The following MAF variants were observed in gnomAD, a reference collection of about 807,000 sequenced individuals.
MAF encodes the protein transcription factor Maf.
Under a neutral mutation model 22.0 loss-of-function variants are expected in MAF, and 10 were observed. That is an observed-to-expected ratio of 0.45 (90% confidence interval 0.28 to 0.77). The LOEUF (loss-of-function observed/expected upper bound fraction) is 0.77. Ranked by LOEUF, MAF falls within the 30% of genes least tolerant of loss-of-function variation. MAF has a pLI of 0.12. For synonymous variants in MAF, 337 were observed against 255.8 expected, an observed-to-expected ratio of 1.32 and a Z score of -3.03; for missense variants, 544 against 548.4, an observed-to-expected ratio of 0.99 and a Z score of 0.08.
At chr16:79,432,615 A>C in the MAF span, among the ~76,000 whole-genome samples, 3 of 152,334 alleles carry the variant, frequency 2.0e-5, no homozygotes, top group East Asian at 3.9e-4. Context: ...ATTGTATTTC[A>C]GAATGTGACC....
the MAF span, among the ~76,000 whole-genome samples, chr16:79,481,849 G>A: frequency 6.6e-6 from 1 of 152,320 alleles, no homozygotes; most frequent in South Asian, 2.1e-4. Context: ...CTCCATCTGG[G>A]TAGGGGAGAC....
the MAF span, among the ~76,000 whole-genome samples, chr16:79,219,539 A>C: frequency 8.6e-6 from 1 of 116,176 alleles, no homozygotes; most frequent in Non-Finnish European, 1.7e-5. Flanking sequence ...CGACAGCGAG[A>C]CTCTGCCTCA....
rs778650605 is a variant in MAF, at chr16:79,598,860, T to C, written c.1043A>G (p.Tyr348Cys). 10 of 1,613,760 alleles carry C rather than the reference T, an allele frequency of 6.2e-6. No individual in the cohort carries two copies. The highest frequency in any genetic ancestry group is 8.5e-6 in the Non-Finnish European group (10 of 1,179,988). Residue 348 changes from tyrosine (Y) to cysteine (C), a missense_variant, in exon 1 of 2, where the codon TAC (tyrosine) becomes TGC (cysteine). By Grantham distance (194) the Tyr-to-Cys change is radical (BLOSUM62 -2). Coordinates refer to ENST00000326043, the MANE Select transcript of MAF (RefSeq NM_005360.5). The stretch of plus-strand genomic sequence containing the variant: ...GAAGCCGCTGCTCACCAACTTCTCG[T>C]ATTTCTCCTTGTACGCGTCCCTCTC... ...VRERDAYKEK[Y>C]EKLVSSGFRE...
At chr16:79,412,819 T>A in the MAF span, among the ~76,000 whole-genome samples, 1 of 152,156 alleles carries the variant, frequency 6.6e-6, no homozygotes, top group East Asian at 1.9e-4. Context: ...ACCCAGAGCG[T>A]TCTGGGAGGC....
chr16:79,441,796 C>G, the MAF span, among the ~76,000 whole-genome samples: 2 of 152,092 alleles, frequency 1.3e-5, no homozygotes, highest in African/African-American at 4.8e-5. Context: ...ACTAGGAACC[C>G]CAGTATGTGG....
chr16:79,515,146 G>A, the MAF span, among the ~76,000 whole-genome samples: 1 of 152,186 alleles, frequency 6.6e-6, no homozygotes, highest in Admixed American at 6.5e-5. Context: ...GCCTGACACA[G>A]ACTTCACTGT....
the MAF span, among the ~76,000 whole-genome samples, chr16:79,516,743 C>G: frequency 7.2e-5 from 11 of 152,230 alleles, no homozygotes; most frequent in African/African-American, 2.7e-4. Context: ...AAGATCTTCT[C>G]CACTATCTGG....
At chr16:79,510,473 C>G in the MAF span, among the ~76,000 whole-genome samples, 2 of 152,156 alleles carry the variant, frequency 1.3e-5, no homozygotes, top group Admixed American at 6.5e-5. Flanking sequence ...TCGAGATGTT[C>G]TGGGATGGAG....
At chr16:79,418,769 T>C in the MAF span, among the ~76,000 whole-genome samples, 12 of 152,144 alleles carry the variant, frequency 7.9e-5, no homozygotes, top group African/African-American at 2.9e-4. Flanking sequence ...AGATGATATA[T>C]GATAAGCAAT....
At chr16:79,464,420 C>G in the MAF span, among the ~76,000 whole-genome samples, 45 of 152,216 alleles carry the variant, frequency 3.0e-4, no homozygotes, top group African/African-American at 1.1e-3. Flanking sequence ...ATATGATGGG[C>G]TGTCCAAAGA....
At chr16:79,203,107 AGCAACACGCTGCT>A in the MAF span, 2 of 152,214 alleles carry the variant, frequency 1.3e-5, no homozygotes, top group African/African-American at 4.8e-5. Flanking sequence ...CCTACTAACT[AGCAACACGCTGCT>A]GGTGAATGAA....
the MAF span, among the ~76,000 whole-genome samples, chr16:79,367,315 C>T: frequency 2.0e-5 from 3 of 152,172 alleles, no homozygotes; most frequent in Non-Finnish European, 4.4e-5. Context: ...TGTCTTATGA[C>T]AGCTGCTGGT....
At chr16:79,389,392 G>A in the MAF span, among the ~76,000 whole-genome samples, 1 of 152,054 alleles carries the variant, frequency 6.6e-6, no homozygotes, top group African/African-American at 2.4e-5. Flanking sequence ...CCAAGTAGCT[G>A]GGATTACAGG....
At chr16:79,565,304 G>A in the MAF span, among the ~76,000 whole-genome samples, 4 of 152,192 alleles carry the variant, frequency 2.6e-5, no homozygotes, top group African/African-American at 7.2e-5. Context: ...GTCGATGGCA[G>A]GGTTGAGCAG....
At chr16:79,362,886 C>A in the MAF span, among the ~76,000 whole-genome samples, 4 of 152,180 alleles carry the variant, frequency 2.6e-5, no homozygotes, top group African/African-American at 4.8e-5. Flanking sequence ...TAAGTTAAAG[C>A]AAAATGCCTG....
At chr16:79,511,908 T>A in the MAF span, among the ~76,000 whole-genome samples, 1 of 152,168 alleles carries the variant, frequency 6.6e-6, no homozygotes, top group Non-Finnish European at 1.5e-5. Flanking sequence ...ATAAGCCACC[T>A]TGATTAGCTG....
the MAF span, among the ~76,000 whole-genome samples, chr16:79,525,221 G>A: frequency 6.6e-6 from 1 of 151,974 alleles, no homozygotes; most frequent in Non-Finnish European, 1.5e-5. Flanking sequence ...TTTTAATCAG[G>A]CACTTAAAAT....
At chr16:79,488,130 C>T in the MAF span, among the ~76,000 whole-genome samples, 9 of 152,198 alleles carry the variant, frequency 5.9e-5, no homozygotes, top group African/African-American at 1.7e-4. Flanking sequence ...GCTGCCACCA[C>T]GGATAACTCA....
the MAF span, among the ~76,000 whole-genome samples, chr16:79,497,486 T>C: frequency 6.6e-6 from 1 of 152,224 alleles, no homozygotes; most frequent in Non-Finnish European, 1.5e-5. Flanking sequence ...CCAAGGTCAC[T>C]GGCCTAGGAA....
Sources: allele counts gnomAD v4.1 joint callset (sites outside exome capture counted in the v4.1 genomes callset), GRCh38; gene constraint gnomAD v4.1.1; transcripts MANE v1.5; gene names NCBI Gene and HGNC (gene_info 2026-07-23, HGNC 2026-07-21).